Variants in LRPAP1 observed in about 807,000 individuals in gnomAD.
The protein encoded by LRPAP1 is alpha-2-macroglobulin receptor-associated protein.
LRPAP1 carries 41 observed loss-of-function variants against 39.9 expected under a neutral mutation model. The ratio of observed to expected loss-of-function variants is 1.03; its 90% CI spans 0.80 to 1.33. The LOEUF (loss-of-function observed/expected upper bound fraction) is 1.33, where lower values mean the gene tolerates loss of function less well. LRPAP1 is among the 40% of genes most tolerant of loss of function. The pLI is 0.00. For synonymous variants in LRPAP1, 263 were observed against 212.7 expected (o/e 1.24, Z -2.06); for missense variants, 565 against 482.3 (o/e 1.17, Z -1.61).
rs1370028870 is a variant in LRPAP1 at position 3,503,894 on chromosome 4, T to C, written c.*9080A>G. The C allele has an allele frequency of 6.6e-6, 1 of 152,268 alleles. No individual in the cohort carries two copies. The highest frequency in any genetic ancestry group is 2.4e-5 in the African/African-American group (1 of 41,434). 9.4% of individuals were successfully genotyped at this position (152,268 alleles called of 1,614,324 possible). On this transcript the variant is annotated 3_prime_UTR_variant, in exon 8 of 8. Transcript: ENST00000650182. ...CAGGAAGGTAGAAACAAGGGAGAAG[T>C]GAGGGACCCAGGGGCCCAGGAAGGT... is the stretch of plus-strand genomic sequence containing the variant.
rs1196165926 is a variant in LRPAP1 at position 3,506,856 on chromosome 4, C to T, written c.*6118G>A. ...CCATTAAGAAAGTAAAATAGCAAGC[C>T]AGAGGATCGGAAATTATTCACAACA... is the stretch of plus-strand genomic sequence containing the variant. On this transcript the variant is annotated 3_prime_UTR_variant, in exon 8 of 8. Coordinates refer to ENST00000650182, the MANE Select transcript of LRPAP1 (RefSeq NM_002337.4). 1 of 152,170 alleles carries T rather than the reference C, an allele frequency of 6.6e-6. No homozygotes were observed. Among genetic ancestry groups the T allele is most frequent in the Admixed American group, 6.5e-5 (1 of 15,286 alleles). 9.4% of individuals were successfully genotyped at this position (152,170 alleles called of 1,614,324 possible).
At chr4:3,519,975 C>T (rs1729854790) in intron 3 of LRPAP1, 97 bp downstream of exon 3, 2 of 1,450,984 alleles carry the variant, frequency 1.4e-6, no homozygotes, top group East Asian at 2.3e-5. Flanking sequence ...CAAACCCCGG[C>T]TCCCATGCAG....
intron 1 of LRPAP1, among the ~76,000 whole-genome samples, chr4:3,529,246 C>T (rs1326778198): frequency 6.6e-6 from 1 of 152,038 alleles, no homozygotes; most frequent in Non-Finnish European, 1.5e-5. Flanking sequence ...TCGCTTGAAC[C>T]TGGGAGGCGG....
rs535902968 is a variant in LRPAP1, at chr4:3,513,913, C to T, written c.1011+839G>A. On this transcript the variant is annotated intron_variant, in intron 7 of 7. Transcript: ENST00000650182. ...ACTCACCGAAGGTCCCTTCTCTCAG[C>T]GGCCCTGACCTCTGCCCCAACGGTG... Among the ~76,000 whole-genome samples, 198 of 152,380 alleles carry T rather than the reference C, an allele frequency of 1.3e-3. 1 individual carries two copies. Among genetic ancestry groups the T allele is most frequent in the African/African-American group, 2.6e-3 (110 of 41,604 alleles).
rs748730807 is a variant in LRPAP1 at position 3,518,989 on chromosome 4, C to T, written c.474G>A (p.Ala158=). ...CGCCGGAGAATTTCCCAGAGGTCTT[C>T]GCCTAAGAGGGAAACAAGGCCTGGA... ...DPRLEKLWHK[A]KTSGKFSGEE... Residue 158 remains alanine, a splice_region_variant and synonymous_variant, in exon 4 of 8, where the codon GCG becomes GCA. Coordinates refer to ENST00000650182, the MANE Select transcript of LRPAP1 (RefSeq NM_002337.4). 31 of 1,613,322 alleles carry T rather than the reference C, an allele frequency of 1.9e-5. No individual in the cohort carries two copies. Among genetic ancestry groups the T allele is most frequent in the East Asian group, 4.5e-5 (2 of 44,890 alleles).
intron 5 of LRPAP1, among the ~76,000 whole-genome samples, chr4:3,517,186 C>G (rs1490477637): frequency 6.6e-6 from 1 of 152,224 alleles, no homozygotes. Context: ...GGGGTCTTGC[C>G]CAAGGGCACT....
chr4:3,521,195 G>A (rs192663459), intron 2 of LRPAP1, among the ~76,000 whole-genome samples: 69 of 152,306 alleles, frequency 4.5e-4, no homozygotes, highest in African/African-American at 1.6e-3. Flanking sequence ...CTGGGGGCTG[G>A]GGGAATTCTC....
intron 7 of LRPAP1, among the ~76,000 whole-genome samples, chr4:3,513,293 T>G (rs1729590866): frequency 6.6e-6 from 1 of 152,180 alleles, no homozygotes. Context: ...TCAGGGTCTC[T>G]GTGATAGGCC....
intron 7 of LRPAP1, 132 bp from the exon 8 acceptor site, chr4:3,513,168 C>T (rs1729587168): frequency 1.5e-6 from 1 of 647,762 alleles, no homozygotes; most frequent in Non-Finnish European, 2.7e-6. Flanking sequence ...CTTTCCAATT[C>T]CACACCCATC....
chr4:3,528,586 T>C (rs1331174673), intron 1 of LRPAP1, among the ~76,000 whole-genome samples: 1 of 152,190 alleles, frequency 6.6e-6, no homozygotes, highest in Non-Finnish European at 1.5e-5. Flanking sequence ...GACCACCTCT[T>C]CAGAGGGCAT....
At chr4:3,520,019 C>T (rs1274349218) in intron 3 of LRPAP1, 53 bp downstream of exon 3, 2 of 1,594,110 alleles carry the variant, frequency 1.3e-6, no homozygotes, top group Non-Finnish European at 1.7e-6. Context: ...CCCGCCTTAA[C>T]ACTCAACGTA....
At chr4:3,513,729 A>G (rs1729607100) in intron 7 of LRPAP1, among the ~76,000 whole-genome samples, 1 of 152,170 alleles carries the variant, frequency 6.6e-6, no homozygotes, top group Admixed American at 6.5e-5. Context: ...ACATCACAAC[A>G]GCCCAGAGCA....
At chr4:3,521,425 C>T (rs1577208101) in intron 2 of LRPAP1, among the ~76,000 whole-genome samples, 1 of 152,192 alleles carries the variant, frequency 6.6e-6, no homozygotes, top group East Asian at 1.9e-4. Flanking sequence ...CCCAGCGGGG[C>T]CTCCACATGC....
chr4:3,521,335 C>T (rs1729903651), intron 2 of LRPAP1, among the ~76,000 whole-genome samples: 1 of 152,196 alleles, frequency 6.6e-6, no homozygotes, highest in African/African-American at 2.4e-5. Context: ...ACCCCGAGGA[C>T]CTCTTCACCC....
At position 3,522,463 on chromosome 4, in the gene LRPAP1, C is replaced by T. The variant is rs375143207; in HGVS notation, c.350-2270G>A. The stretch of plus-strand genomic sequence containing the variant: ...AAGCTGGAGGCGGCCTCAGGAGCAC[C>T]GAGCCCTTAGAGCTCCTGGGGAGGA... On this transcript the variant is annotated intron_variant, in intron 2 of 7. Transcript: ENST00000650182. 2.1e-3 allele frequency among the ~76,000 whole-genome samples: 316 copies of T among 148,932 alleles called. 1 individual carries two copies. The highest frequency in any genetic ancestry group is 7.0e-3 in the African/African-American group (286 of 40,748).
In LRPAP1 at chr4:3,507,268, A is replaced by G. The variant is rs1410550638; in HGVS notation, c.*5706T>C. 1 of 152,236 alleles carries G rather than the reference A, an allele frequency of 6.6e-6. No individual in the cohort carries two copies. The highest frequency in any genetic ancestry group is 1.5e-5 in the Non-Finnish European group (1 of 68,044). 9.4% of individuals were successfully genotyped at this position (152,236 alleles called of 1,614,324 possible). On this transcript the variant is annotated 3_prime_UTR_variant, in exon 8 of 8. Coordinates refer to ENST00000650182, the MANE Select transcript of LRPAP1 (RefSeq NM_002337.4). The stretch of plus-strand genomic sequence containing the variant: ...AGACCCAGTTTTTTAAATAGGCAAA[A>G]GAATTAAGTAGGCCCTTCCCAAAGA...
Position 3,515,969 on chromosome 4 carries a change from A to G in LRPAP1, c.834+147T>C, listed in dbSNP as rs550416145. 1.7e-4 allele frequency: 128 copies of G among 758,282 alleles called. No individual in the cohort carries two copies. In the South Asian group the frequency reaches 2.2e-3, roughly 13 times the overall value. The allele number at this position is 758,282 out of a possible 1,614,324, so 47.0% of individuals were successfully genotyped here. On this transcript the variant is annotated intron_variant, in intron 6 of 7. Transcript: ENST00000650182. Reference sequence around the variant, plus strand: ...CCACGCAGATGAGAAGGAAAACGCAAGCAGGTTCACCGAGTGGTTAAGGAA... The same window carrying G: ...CCACGCAGATGAGAAGGAAAACGCAGGCAGGTTCACCGAGTGGTTAAGGAA...
At position 3,509,226 on chromosome 4, in the gene LRPAP1, T is replaced by C. The variant is rs910344231; in HGVS notation, c.*3748A>G. 1.7e-4 allele frequency: 26 copies of C among 151,818 alleles called. No individual in the cohort carries two copies. The highest frequency in any genetic ancestry group is 5.6e-4 in the African/African-American group (23 of 41,196). The allele number at this position is 151,818 out of a possible 1,614,324, so 9.4% of individuals were successfully genotyped here. The stretch of plus-strand genomic sequence containing the variant: ...CAGTCAACGCATGGACACCGGAGAC[T>C]GTTGAGACGCCGACTGGAGTCACAC... On this transcript the variant is annotated 3_prime_UTR_variant, in exon 8 of 8. Coordinates refer to ENST00000650182, the MANE Select transcript of LRPAP1 (RefSeq NM_002337.4).
chr4:3,519,808 T>C (rs1015626277), intron 3 of LRPAP1, among the ~76,000 whole-genome samples: 1 of 152,212 alleles, frequency 6.6e-6, no homozygotes, highest in Non-Finnish European at 1.5e-5. Flanking sequence ...TAACCACACG[T>C]GACCTGAGCT....
Sources: allele counts gnomAD v4.1 joint callset (sites outside exome capture counted in the v4.1 genomes callset), GRCh38; gene constraint gnomAD v4.1.1; transcripts MANE v1.5; gene names NCBI Gene and HGNC (gene_info 2026-07-23, HGNC 2026-07-21).